EYA4: variants seen among roughly 807,000 people sequenced by gnomAD.
EYA4 encodes EYA transcriptional coactivator and phosphatase 4, also known as protein phosphatase EYA4.
Under a neutral mutation model 87.9 loss-of-function variants are expected in EYA4, and 31 were observed. The ratio of observed to expected loss-of-function variants is 0.35; its 90% confidence interval spans 0.27 to 0.48. The LOEUF is 0.48. Ranked by LOEUF, EYA4 falls within the 20% of genes least tolerant of loss-of-function variation. The pLI, the probability that EYA4 is intolerant of heterozygous loss-of-function variation, is 0.99. For synonymous variants in EYA4, 263 were observed against 270.6 expected (o/e 0.97, Z 0.28); for missense variants, 678 against 761.4 (o/e 0.89, Z 1.29).
intron 3 of EYA4, among the ~76,000 whole-genome samples, chr6:133,407,454 G>A (rs1465784326): frequency 1.3e-5 from 2 of 151,920 alleles, no homozygotes; most frequent in African/African-American, 4.8e-5. Flanking sequence ...ACTCACCCCC[G>A]CCTTCCTTGC....
chr6:133,518,421 T>A (rs985950236), intron 17 of EYA4, among the ~76,000 whole-genome samples: 3 of 152,090 alleles, frequency 2.0e-5, no homozygotes, highest in Non-Finnish European at 2.9e-5. Flanking sequence ...ATTGATACAA[T>A]TGCAGTTTTG....
rs546564438 is a variant in EYA4, at chr6:133,519,275, G to C, written c.1617-3781G>C. Among the ~76,000 whole-genome samples the C allele has an allele frequency of 6.6e-4, 100 of 151,396 alleles. No individual in the cohort carries two copies. The East Asian group carries it at 0.019, about 28-fold the overall frequency. The stretch of plus-strand genomic sequence containing the variant: ...CAAGACTAATAAAGAAAAAAAGAGA[G>C]AAGAATCAAATAGACGCAATAAAAA... On this transcript the variant is annotated intron_variant, in intron 17 of 19. Transcript: ENST00000355286.
At chr6:133,513,885 A>G (rs1385259494) in intron 16 of EYA4, among the ~76,000 whole-genome samples, 1 of 152,172 alleles carries the variant, frequency 6.6e-6, no homozygotes, top group East Asian at 1.9e-4. Flanking sequence ...CTAAATATAC[A>G]TGTGCATACT....
At chr6:133,309,315 AAATGTCAATATATTAAAGAGTTTAAGT>A (rs1780039703) in intron 2 of EYA4, among the ~76,000 whole-genome samples, 1 of 152,196 alleles carries the variant, frequency 6.6e-6, no homozygotes, top group Admixed American at 6.5e-5. Context: ...TTCAGGGAAC[AAATGTCAATATATTAAAGAGTTTAAGT>A]AGTGTCTGAT....
chr6:133,366,805 TG>T (rs1325547628), intron 2 of EYA4, among the ~76,000 whole-genome samples: 1 of 152,218 alleles, frequency 6.6e-6, no homozygotes, highest in Non-Finnish European at 1.5e-5. Context: ...TGATTTCATG[TG>T]GTCTTTTTCA....
At chr6:133,291,779 G>A (rs182899833) in intron 2 of EYA4, among the ~76,000 whole-genome samples, 1 of 152,244 alleles carries the variant, frequency 6.6e-6, no homozygotes, top group Non-Finnish European at 1.5e-5. Context: ...ACTCTCTGTA[G>A]GACTGACTGC....
intron 2 of EYA4, among the ~76,000 whole-genome samples, chr6:133,299,714 AAAAATAAAAT>A (rs201014987): frequency 0.35 from 47,466 of 137,186 alleles, 9,451 homozygotes; most frequent in Non-Finnish European, 0.44. Flanking sequence ...TCTGTCTCAA[AAAAATAAAAT>A]AAAATAAAAT....
intron 2 of EYA4, among the ~76,000 whole-genome samples, chr6:133,377,953 G>C (rs1785843636): frequency 7.2e-6 from 1 of 139,622 alleles, no homozygotes; most frequent in African/African-American, 2.6e-5. Flanking sequence ...AATTCACTAA[G>C]AGAGTAGATT....
At chr6:133,363,280 C>T (rs763929155) in intron 2 of EYA4, 3 of 152,224 alleles carry the variant, frequency 2.0e-5, no homozygotes, top group Non-Finnish European at 2.9e-5. Context: ...CTTTGGGGCC[C>T]CACAACCCTA....
intron 3 of EYA4, among the ~76,000 whole-genome samples, chr6:133,384,277 T>C (rs545431080): frequency 1.3e-5 from 2 of 152,296 alleles, no homozygotes; most frequent in African/African-American, 4.8e-5. Context: ...TCCCAGCCCA[T>C]GTGGCCTTAA....
chr6:133,361,762 C>T (rs1227623446), intron 2 of EYA4, among the ~76,000 whole-genome samples: 1 of 152,130 alleles, frequency 6.6e-6, no homozygotes, highest in Non-Finnish European at 1.5e-5. Context: ...GAATAAATGA[C>T]CCTCCATTTT....
chr6:133,294,508 A>ACT (rs5880172), intron 2 of EYA4, among the ~76,000 whole-genome samples: 118,498 of 150,828 alleles, frequency 0.79, 47,332 homozygotes, highest in African/African-American at 0.94. Flanking sequence ...GTGTGTCACC[A>ACT]CTCTGCTCAG....
intron 11 of EYA4, among the ~76,000 whole-genome samples, chr6:133,476,302 A>G (rs1795725616): frequency 1.3e-5 from 2 of 152,132 alleles, no homozygotes; most frequent in Admixed American, 6.6e-5. Flanking sequence ...GAAATACAAT[A>G]CATTGTTACT....
chr6:133,307,988 A>T (rs1779937557), intron 2 of EYA4, among the ~76,000 whole-genome samples: 1 of 152,102 alleles, frequency 6.6e-6, no homozygotes, highest in Admixed American at 6.5e-5. Context: ...GATAAGTCTC[A>T]TGAGATCTGA....
intron 17 of EYA4, among the ~76,000 whole-genome samples, chr6:133,518,026 C>G (rs965686269): frequency 6.6e-6 from 1 of 152,142 alleles, no homozygotes; most frequent in African/African-American, 2.4e-5. Flanking sequence ...TGAAATGGGA[C>G]TTGCTATCTC....
chr6:133,444,670 C>CAAAA (rs1306540594), intron 3 of EYA4, among the ~76,000 whole-genome samples: 1 of 152,102 alleles, frequency 6.6e-6, no homozygotes. Context: ...TGAGGGCTGC[C>CAAAA]CTCAGAAAGA....
intron 11 of EYA4, among the ~76,000 whole-genome samples, chr6:133,473,744 C>G (rs925185779): frequency 6.6e-6 from 1 of 151,924 alleles, no homozygotes; most frequent in Non-Finnish European, 1.5e-5. Flanking sequence ...GGCTTTTCAG[C>G]TAGCCTTAGC....
At chr6:133,510,197 C>T (rs979568445) in intron 14 of EYA4, among the ~76,000 whole-genome samples, 3 of 152,040 alleles carry the variant, frequency 2.0e-5, no homozygotes, top group Non-Finnish European at 4.4e-5. Context: ...CTAAAAATTA[C>T]AATGAGAGGA....
intron 3 of EYA4, among the ~76,000 whole-genome samples, chr6:133,436,223 GAAAA>G (rs537669152): frequency 7.5e-6 from 1 of 133,476 alleles, no homozygotes. Context: ...CCGTCTTGAG[GAAAA>G]AAAAAAAAAA....
Sources: gnomAD v4.1 joint callset for allele counts (sites outside exome capture counted in the v4.1 genomes callset) on GRCh38, gnomAD v4.1.1 for gene constraint, MANE v1.5 for transcripts, NCBI Gene and HGNC (gene_info 2026-07-23, HGNC 2026-07-21) for gene names.